The following SIPA1L1 variants were observed in gnomAD, a reference collection of about 807,000 sequenced individuals.
The protein encoded by SIPA1L1 is signal-induced proliferation-associated 1-like protein 1.
Under a neutral mutation model 162.7 loss-of-function variants are expected in SIPA1L1, and 26 were observed. The observed-to-expected ratio is 0.16, with a 90% CI of 0.12 to 0.22. The LOEUF is 0.22. SIPA1L1 is among the 10% of genes least tolerant of loss of function. SIPA1L1 has a pLI of 1.00. For synonymous variants in SIPA1L1, 829 were observed against 837.4 expected (o/e 0.99, Z 0.17); for missense variants, 1,874 against 2,241.0 (o/e 0.84, Z 3.31).
chr14:71,671,344 C>T lies in SIPA1L1; in HGVS notation c.2481C>T (p.Asp827=). Residue 827 remains aspartate (D), a synonymous_variant, in exon 11 of 24, where the codon GAC becomes GAT. Coordinates refer to ENST00000381232, the MANE Select transcript of SIPA1L1 (RefSeq NM_001386936.1). ...AEKNVTNTPI[D]PSGKFPFISL... ...AGAATGTCACCAACACCCCTATCGACCCTTCTGGCAAGTTTCCGTTCATCT... is the reference window on the plus strand; with the variant it reads ...AGAATGTCACCAACACCCCTATCGATCCTTCTGGCAAGTTTCCGTTCATCT... The T allele has an allele frequency of 1.2e-6, 2 of 1,614,220 alleles. No homozygotes were observed. Among genetic ancestry groups the T allele is most frequent in the Non-Finnish European group, 1.7e-6 (2 of 1,180,042 alleles).
chr14:71,357,816 C>T (rs1174183182), intron 2 of SIPA1L1, among the ~76,000 whole-genome samples: 1 of 152,094 alleles, frequency 6.6e-6, no homozygotes, highest in Non-Finnish European at 1.5e-5. Context: ...CAACCTCTGC[C>T]TCCTGGGCTC....
chr14:71,379,854 C>T (rs1216264376), intron 2 of SIPA1L1, among the ~76,000 whole-genome samples: 1 of 152,212 alleles, frequency 6.6e-6, no homozygotes, highest in East Asian at 1.9e-4. Context: ...ATACATTTTC[C>T]ATTTTACAAT....
chr14:71,330,571 C>G, intron 2 of SIPA1L1: 1 of 1,206,324 alleles, frequency 8.3e-7, no homozygotes, highest in East Asian at 2.3e-5. Context: ...CTTTCCTCCT[C>G]AGATGTTAAA....
At chr14:71,389,889 C>G (rs2040613384) in intron 2 of SIPA1L1, among the ~76,000 whole-genome samples, 1 of 152,192 alleles carries the variant, frequency 6.6e-6, no homozygotes, top group African/African-American at 2.4e-5. Context: ...CAGTTAATAT[C>G]CAGCGGACAA....
chr14:71,325,270 A>G (rs2033659438), intron 2 of SIPA1L1, among the ~76,000 whole-genome samples: 1 of 152,244 alleles, frequency 6.6e-6, no homozygotes, highest in Non-Finnish European at 1.5e-5. Flanking sequence ...AATCAAAAAC[A>G]AAAACAAAAC....
At chr14:71,558,544 G>A (rs2056534419) in intron 4 of SIPA1L1, among the ~76,000 whole-genome samples, 1 of 152,180 alleles carries the variant, frequency 6.6e-6, no homozygotes, top group Non-Finnish European at 1.5e-5. Context: ...AACCAGAACT[G>A]TAATCAGAAA....
chr14:71,634,392 A>C (rs2040903762), intron 7 of SIPA1L1, among the ~76,000 whole-genome samples: 1 of 149,882 alleles, frequency 6.7e-6, no homozygotes, highest in Admixed American at 6.7e-5. Flanking sequence ...ACAAGAACAA[A>C]ACTCCATTTC....
intron 2 of SIPA1L1, among the ~76,000 whole-genome samples, chr14:71,441,571 A>G (rs2044856687): frequency 6.6e-6 from 1 of 152,248 alleles, no homozygotes; most frequent in South Asian, 2.1e-4. Context: ...TCCTGCATTC[A>G]GGTACCATGT....
intron 2 of SIPA1L1, among the ~76,000 whole-genome samples, chr14:71,474,173 G>A (rs1414260559): frequency 6.6e-6 from 1 of 152,226 alleles, no homozygotes; most frequent in African/African-American, 2.4e-5. Context: ...TGAAGGTAAC[G>A]TAGATAATGC....
At chr14:71,486,591 A>G (rs140220669) in intron 2 of SIPA1L1, among the ~76,000 whole-genome samples, 210 of 152,360 alleles carry the variant, frequency 1.4e-3, no homozygotes, top group Non-Finnish European at 2.5e-3. Context: ...CGGAGTGGAA[A>G]CTGAGTTTGA....
intron 2 of SIPA1L1, among the ~76,000 whole-genome samples, chr14:71,374,584 A>G (rs1195036436): frequency 6.6e-6 from 1 of 151,904 alleles, no homozygotes; most frequent in Non-Finnish European, 1.5e-5. Context: ...ATTTTAGTAA[A>G]GTGGTCATGC....
At chr14:71,428,869 G>C (rs1438932492) in intron 2 of SIPA1L1, among the ~76,000 whole-genome samples, 3 of 152,348 alleles carry the variant, frequency 2.0e-5, no homozygotes, top group South Asian at 2.1e-4. Context: ...TGGGGTAGAT[G>C]ATGGGTAGCT....
rs575432424 is a variant in SIPA1L1 at position 71,438,224 on chromosome 14, C to T, written c.-464-74519C>T. On this transcript the variant is annotated intron_variant, in intron 2 of 23. Transcript: ENST00000381232. ...GAATCAGCTAGGTATGCTTTTTTTT[C>T]TCTCAAACTTCTTTAATCATCACCC... is the stretch of plus-strand genomic sequence containing the variant. Among the ~76,000 whole-genome samples the T allele has an allele frequency of 1.2e-4, 18 of 151,656 alleles. No homozygotes were observed. The South Asian group carries it at 3.7e-3, about 32-fold the overall frequency.
intron 4 of SIPA1L1, among the ~76,000 whole-genome samples, chr14:71,578,195 C>G (rs919767560): frequency 2.0e-5 from 3 of 152,204 alleles, no homozygotes; most frequent in African/African-American, 7.2e-5. Context: ...AGGCGTGAGC[C>G]ACTGCTCCCG....
chr14:71,544,126 C>T (rs562245153), intron 4 of SIPA1L1, among the ~76,000 whole-genome samples: 15 of 150,094 alleles, frequency 1.0e-4, no homozygotes, highest in South Asian at 2.1e-4. Flanking sequence ...CATATATGCA[C>T]GTGTATGTAT....
At chr14:71,556,929 G>A (rs1249514657) in intron 4 of SIPA1L1, among the ~76,000 whole-genome samples, 1 of 152,206 alleles carries the variant, frequency 6.6e-6, no homozygotes, top group Non-Finnish European at 1.5e-5. Context: ...TGGAATGAGT[G>A]TCTTTTGATC....
At chr14:71,554,381 A>C (rs1299446713) in intron 4 of SIPA1L1, among the ~76,000 whole-genome samples, 1 of 152,196 alleles carries the variant, frequency 6.6e-6, no homozygotes, top group Non-Finnish European at 1.5e-5. Flanking sequence ...CAGACTTAAA[A>C]ATAAAAAATA....
At chr14:71,659,936 T>C (rs967609764) in intron 9 of SIPA1L1, among the ~76,000 whole-genome samples, 6 of 152,014 alleles carry the variant, frequency 3.9e-5, no homozygotes, top group Non-Finnish European at 8.8e-5. Context: ...TAGATTACTT[T>C]ATGCTTGGAA....
chr14:71,678,171 C>T (rs1414673738), intron 12 of SIPA1L1, among the ~76,000 whole-genome samples: 6 of 152,168 alleles, frequency 3.9e-5, no homozygotes, highest in African/African-American at 9.7e-5. Context: ...GAACTTCCAA[C>T]GCTATGTTGA....
Sources: gnomAD v4.1 joint callset for allele counts (sites outside exome capture counted in the v4.1 genomes callset) on GRCh38, gnomAD v4.1.1 for gene constraint, MANE v1.5 for transcripts, NCBI Gene and HGNC (gene_info 2026-07-23, HGNC 2026-07-21) for gene names.